The following PLA2G4E variants were observed in gnomAD, a reference collection of about 807,000 sequenced individuals.
PLA2G4E encodes the protein phospholipase A2 group IVE.
In PLA2G4E, 84 loss-of-function variants were observed where a neutral mutation model predicts 109.1. That is an observed-to-expected ratio of 0.77 (90% CI 0.65 to 0.92). The LOEUF (loss-of-function observed/expected upper bound fraction) is 0.92, where lower values mean the gene tolerates loss of function less well. Among genes scored for constraint, PLA2G4E ranks in the 40% least tolerant of loss-of-function variants. PLA2G4E has a pLI of 0.00. For missense variants in PLA2G4E, 1,057 were observed against 1,076.6 expected, an observed-to-expected ratio of 0.98 and a Z score of 0.25; for synonymous variants, 469 against 436.1, an observed-to-expected ratio of 1.08 and a Z score of -0.94.
chr15:41,998,375 C>G (rs1300275998), intron 10 of PLA2G4E: 1 of 152,242 alleles, frequency 6.6e-6, no homozygotes, highest in Non-Finnish European at 1.5e-5. Flanking sequence ...GAGCATCCCA[C>G]TTGCCAGATG....
intron 1 of PLA2G4E, among the ~76,000 whole-genome samples, chr15:42,041,957 A>G (rs953597796): frequency 6.6e-6 from 1 of 152,214 alleles, no homozygotes; most frequent in Admixed American, 6.5e-5. Context: ...GGACGGGGAC[A>G]ATGGCCATGC....
intron 1 of PLA2G4E, among the ~76,000 whole-genome samples, chr15:42,015,840 G>A (rs1704371): frequency 0.011 from 1,685 of 152,288 alleles, 42 homozygotes; most frequent in African/African-American, 0.038. Flanking sequence ...ACTCTGAGCC[G>A]GCACACCCGG....
At chr15:42,003,166 T>C (rs1355077950) in intron 5 of PLA2G4E, among the ~76,000 whole-genome samples, 1 of 152,264 alleles carries the variant, frequency 6.6e-6, no homozygotes, top group African/African-American at 2.4e-5. Context: ...GTTATAAAGT[T>C]GAGAACATAA....
chr15:42,013,248 G>T (rs2068555279), intron 2 of PLA2G4E, among the ~76,000 whole-genome samples: 2 of 152,192 alleles, frequency 1.3e-5, no homozygotes, highest in South Asian at 2.1e-4. Context: ...TCACCTGGCA[G>T]CTGGCTCCAC....
intron 11 of PLA2G4E, 24 bp downstream of exon 11, chr15:41,997,100 C>A: frequency 1.3e-6 from 2 of 1,544,022 alleles, no homozygotes; most frequent in South Asian, 1.2e-5. Context: ...TGGGCCCAGG[C>A]TGGCCACATC....
rs2068490930 is a variant in PLA2G4E, at chr15:42,007,719, C to A, written c.393+10G>T. 6.2e-7 allele frequency: 1 copy of A among 1,610,260 alleles called. No individual in the cohort carries two copies. Among genetic ancestry groups the A allele is most frequent in the African/African-American group, 1.3e-5 (1 of 74,864 alleles). On this transcript the variant is annotated intron_variant, in intron 3 of 19. Transcript: ENST00000399518. Reference sequence around the variant, plus strand: ...GACAGGGAAGACAGGTGCAGTCCTCCATGTCTCACCTTCACTCGGCTCTGG... The same window carrying A: ...GACAGGGAAGACAGGTGCAGTCCTCAATGTCTCACCTTCACTCGGCTCTGG...
intron 11 of PLA2G4E, among the ~76,000 whole-genome samples, chr15:41,996,054 C>T (rs907764919): frequency 4.6e-5 from 7 of 152,048 alleles, no homozygotes; most frequent in African/African-American, 1.7e-4. Context: ...GGAATGTTTC[C>T]CTAAAGATAG....
At chr15:42,001,061 C>T in intron 7 of PLA2G4E, 96 bp downstream of exon 7, 2 of 1,313,800 alleles carry the variant, frequency 1.5e-6, no homozygotes, top group South Asian at 1.3e-5. Flanking sequence ...CCCCTGAGCC[C>T]AGGGAAGCCC....
intron 13 of PLA2G4E, among the ~76,000 whole-genome samples, chr15:41,991,335 A>G (rs2068245506): frequency 6.6e-6 from 1 of 152,202 alleles, no homozygotes; most frequent in Non-Finnish European, 1.5e-5. Flanking sequence ...GGCACTCATG[A>G]TTGTTACAAT....
At chr15:41,997,134 T>A in exon 11 of PLA2G4E, 1 of 1,568,764 alleles carries the variant, frequency 6.4e-7, no homozygotes, top group Non-Finnish European at 8.6e-7. Flanking sequence ...CTCGTCCTCC[T>A]GCAGGTCTTC....
intron 1 of PLA2G4E, among the ~76,000 whole-genome samples, chr15:42,028,508 G>A (rs1889060996): frequency 6.6e-6 from 1 of 152,092 alleles, no homozygotes. Flanking sequence ...CTGGCTTCAA[G>A]CAATTTTCCT....
At chr15:42,003,607 C>T (rs911242953) in intron 5 of PLA2G4E, among the ~76,000 whole-genome samples, 5 of 152,168 alleles carry the variant, frequency 3.3e-5, no homozygotes, top group South Asian at 2.1e-4. Flanking sequence ...AAGTAAATAA[C>T]GTTGATTTTA....
At chr15:42,008,231 T>C (rs1345915295) in intron 2 of PLA2G4E, among the ~76,000 whole-genome samples, 7 of 152,220 alleles carry the variant, frequency 4.6e-5, no homozygotes, top group Non-Finnish European at 1.0e-4. Flanking sequence ...CCGGATTACT[T>C]CTTGTCTTAG....
rs967080502 is a variant in PLA2G4E at position 41,989,611 on chromosome 15, C to T, written c.1586-59G>A. ...CAGGCCAGGGAGCCGTCCACACAGC[C>T]GGGCCCCCCTCCTGCCTGCAGCCAC... is the stretch of plus-strand genomic sequence containing the variant. On this transcript the variant is annotated intron_variant, in intron 14 of 19. Coordinates refer to ENST00000399518, the Ensembl canonical transcript of PLA2G4E. 5.2e-5 allele frequency: 80 copies of T among 1,552,988 alleles called. No individual in the cohort carries two copies. In the Admixed American group the frequency reaches 8.6e-4, roughly 17 times the overall value.
At chr15:42,033,700 G>A (rs1156998510) in intron 1 of PLA2G4E, among the ~76,000 whole-genome samples, 4 of 152,164 alleles carry the variant, frequency 2.6e-5, no homozygotes, top group Non-Finnish European at 4.4e-5. Flanking sequence ...GGCAGAAGAG[G>A]GTCCTCTGGT....
chr15:42,014,775 G>A (rs1473398631), intron 1 of PLA2G4E, among the ~76,000 whole-genome samples: 6 of 152,124 alleles, frequency 3.9e-5, no homozygotes, highest in African/African-American at 1.4e-4. Context: ...ACTGTTTCTC[G>A]CAAGAGGTCC....
intron 10 of PLA2G4E, chr15:41,998,613 T>C (rs2068377821): frequency 6.6e-6 from 1 of 152,204 alleles, no homozygotes. Context: ...CAGCAGATGG[T>C]GCTGAGACAT....
intron 1 of PLA2G4E, among the ~76,000 whole-genome samples, chr15:42,024,259 A>G (rs116755981): frequency 6.6e-6 from 1 of 152,182 alleles, no homozygotes; most frequent in Non-Finnish European, 1.5e-5. Flanking sequence ...TTGGTACACA[A>G]CTGCTGCTCC....
intron 10 of PLA2G4E, chr15:41,998,545 T>C (rs932300124): frequency 9.2e-5 from 14 of 152,190 alleles, no homozygotes; most frequent in Non-Finnish European, 1.5e-4. Context: ...AAACTGTCAA[T>C]AGAAATCATG....
Sources: allele counts gnomAD v4.1 joint callset (sites outside exome capture counted in the v4.1 genomes callset), GRCh38; gene constraint gnomAD v4.1.1; transcripts MANE v1.5; gene names NCBI Gene and HGNC (gene_info 2026-07-23, HGNC 2026-07-21).